Variants in NBN observed in about 807,000 individuals in gnomAD.
The protein encoded by NBN is nibrin.
Under a neutral mutation model 90.8 loss-of-function variants are expected in NBN, and 88 were observed. The observed-to-expected ratio is 0.97, with a 90% CI of 0.82 to 1.16. The LOEUF (loss-of-function observed/expected upper bound fraction) is 1.16. Ranked by LOEUF, NBN falls within the 50% of genes most tolerant of loss-of-function variation. The probability of loss-of-function intolerance (pLI) is 0.00; values close to 1 mark genes in which losing one functional copy is unlikely to be tolerated. For missense variants in NBN, 894 were observed against 869.6 expected, an observed-to-expected ratio of 1.03 and a Z score of -0.35; for synonymous variants, 328 against 295.1, an observed-to-expected ratio of 1.11 and a Z score of -1.14.
rs772864909 is a variant in NBN, at chr8:89,953,634, C to T, written c.1455G>A (p.Thr485=). 7.4e-6 allele frequency: 12 copies of T among 1,612,602 alleles called. No individual in the cohort carries two copies. In the East Asian group the frequency reaches 8.9e-5, roughly 12 times the overall value. The change falls in exon 11 of 16, where the codon ACG becomes ACA. Residue 485 remains threonine (T), a synonymous_variant. Transcript: ENST00000265433. ...GTGTTTGTTCTAAAAGAGAACAAGA[C>T]GTTTCTATTCTTGCTGATTTGCATG... ...MSSCKSARIE[T]SCSLLEQTQP...
At chr8:89,965,652 G>C (rs1811220151) in intron 7 of NBN, among the ~76,000 whole-genome samples, 1 of 151,926 alleles carries the variant, frequency 6.6e-6, no homozygotes, top group Non-Finnish European at 1.5e-5. Context: ...AACACACCCA[G>C]CTAATTTTTG....
intron 14 of NBN, among the ~76,000 whole-genome samples, chr8:89,938,613 A>C (rs1809796826): frequency 6.6e-6 from 1 of 152,146 alleles, no homozygotes; most frequent in Admixed American, 6.5e-5. Context: ...CTCAGATGGA[A>C]TAGCTGGGAT....
intron 5 of NBN, among the ~76,000 whole-genome samples, chr8:89,973,054 GC>G (rs1371737743): frequency 6.6e-6 from 1 of 152,168 alleles, no homozygotes; most frequent in Non-Finnish European, 1.5e-5. Flanking sequence ...GTGTATGGTA[GC>G]CTGTTAGGCC....
rs1586101925 is a variant in NBN at position 89,978,407 on chromosome 8, G to T, written c.481-84C>A. 3.8e-5 allele frequency: 42 copies of T among 1,112,584 alleles called. 1 individual carries two copies. The East Asian group carries it at 9.9e-4, about 26-fold the overall frequency. 68.9% of individuals were successfully genotyped at this position (1,112,584 alleles called of 1,614,324 possible). ...AGTTTTAAGTTATAAACTACAAAGA[G>T]GCTGTTTACATCCATAAAAAATAAT... On this transcript the variant is annotated intron_variant, in intron 4 of 15. Coordinates refer to ENST00000265433, the MANE Select transcript of NBN (RefSeq NM_002485.5).
chr8:89,967,301 G>T (rs1811301723), intron 7 of NBN, among the ~76,000 whole-genome samples: 1 of 152,168 alleles, frequency 6.6e-6, no homozygotes, highest in Non-Finnish European at 1.5e-5. Flanking sequence ...CTTGCACCCT[G>T]AACTGCTGAA....
chr8:89,935,897 C>T (rs1159853699), intron 15 of NBN, among the ~76,000 whole-genome samples: 1 of 151,982 alleles, frequency 6.6e-6, no homozygotes, highest in Non-Finnish European at 1.5e-5. Flanking sequence ...GGTATGTTTA[C>T]ACTTCTTTCT....
chr8:89,967,261 A>T (rs1811298635), intron 7 of NBN, among the ~76,000 whole-genome samples: 1 of 152,134 alleles, frequency 6.6e-6, no homozygotes, highest in South Asian at 2.1e-4. Context: ...CCTGCAATGG[A>T]ATAGTGTCCT....
intron 14 of NBN, among the ~76,000 whole-genome samples, chr8:89,937,802 C>T (rs1212706688): frequency 6.6e-6 from 1 of 152,106 alleles, no homozygotes; most frequent in Non-Finnish European, 1.5e-5. Flanking sequence ...CTCTGTATGC[C>T]GGTTAAAACT....
chr8:89,979,321 T>C (rs1011416846), intron 4 of NBN, among the ~76,000 whole-genome samples: 2 of 152,154 alleles, frequency 1.3e-5, no homozygotes, highest in African/African-American at 2.4e-5. Context: ...ATTGTCTAAA[T>C]AGGGGCAAGC....
At chr8:89,955,149 G>A (rs1410864943) in intron 10 of NBN, 134 bp downstream of exon 10, 9 of 817,720 alleles carry the variant, frequency 1.1e-5, no homozygotes, top group African/African-American at 3.4e-5. Flanking sequence ...ATTTCTGAGA[G>A]GGAAAGCGGT....
intron 4 of NBN, 26 bp from the exon 5 acceptor site, chr8:89,978,349 T>C (rs747594295): frequency 6.4e-6 from 10 of 1,568,620 alleles, no homozygotes; most frequent in East Asian, 2.2e-5. Context: ...CATGTGAATA[T>C]ATATATTCAC....
At chr8:89,949,104 A>C (rs1810328986) in intron 11 of NBN, among the ~76,000 whole-genome samples, 1 of 152,232 alleles carries the variant, frequency 6.6e-6, no homozygotes, top group African/African-American at 2.4e-5. Context: ...GCAGATGCCC[A>C]ATGCCTACAG....
At chr8:89,978,676 C>T (rs2129893147) in intron 4 of NBN, among the ~76,000 whole-genome samples, 1 of 152,196 alleles carries the variant, frequency 6.6e-6, no homozygotes, top group East Asian at 1.9e-4. Context: ...AAATATATTT[C>T]AGAATTGAGG....
chr8:89,938,644 A>G (rs1286593173), intron 14 of NBN, among the ~76,000 whole-genome samples: 1 of 152,188 alleles, frequency 6.6e-6, no homozygotes, highest in Non-Finnish European at 1.5e-5. Flanking sequence ...CTACCTTATT[A>G]AGAGCACCAG....
At chr8:89,977,869 G>A (rs544630250) in intron 5 of NBN, among the ~76,000 whole-genome samples, 1 of 152,186 alleles carries the variant, frequency 6.6e-6, no homozygotes, top group African/African-American at 2.4e-5. Context: ...GGCTTGCAAA[G>A]AGGGCTGCTG....
intron 5 of NBN, among the ~76,000 whole-genome samples, chr8:89,972,619 T>C (rs1330422361): frequency 3.3e-5 from 5 of 152,240 alleles, no homozygotes; most frequent in South Asian, 2.1e-4. Context: ...AATATCTCTT[T>C]GAATCCTTTT....
chr8:89,978,374 T>C, intron 4 of NBN, 51 bp from the exon 5 acceptor site: 1 of 1,493,032 alleles, frequency 6.7e-7, no homozygotes, highest in Non-Finnish European at 9.3e-7. Flanking sequence ...TAGCATTTTT[T>C]AAAGAAAAGT....
chr8:89,950,030 G>A (rs1168676851), intron 11 of NBN, among the ~76,000 whole-genome samples: 1 of 152,192 alleles, frequency 6.6e-6, no homozygotes, highest in Non-Finnish European at 1.5e-5. Flanking sequence ...TATGCAAGCT[G>A]TAACAATCAG....
chr8:89,980,940 G>A (rs2129911566), intron 3 of NBN, 47 bp from the exon 4 acceptor site: 2 of 1,561,484 alleles, frequency 1.3e-6, no homozygotes, highest in South Asian at 1.1e-5. Flanking sequence ...CAGAGTTGCA[G>A]AGATGGCAAT....
Sources: gnomAD v4.1 joint callset for allele counts (sites outside exome capture counted in the v4.1 genomes callset) on GRCh38, gnomAD v4.1.1 for gene constraint, MANE v1.5 for transcripts, NCBI Gene and HGNC (gene_info 2026-07-23, HGNC 2026-07-21) for gene names.